Variants in PXT1 observed in about 807,000 individuals in gnomAD.
The protein encoded by PXT1 is peroxisomal testis enriched protein 1.
A neutral mutation model predicts 11.0 loss-of-function variants in PXT1; 11 were observed. That is an observed-to-expected ratio of 1.00 (90% CI 0.63 to 1.66). The LOEUF is 1.66. Ranked by LOEUF, PXT1 falls within the 40% of genes most tolerant of loss-of-function variation. The pLI, the probability that PXT1 is intolerant of heterozygous loss-of-function variation, is 0.00. For synonymous variants in PXT1, 43 were observed against 51.4 expected, an observed-to-expected ratio of 0.84 and a Z score of 0.70; for missense variants, 141 against 155.5, an observed-to-expected ratio of 0.91 and a Z score of 0.49.
intron 4 of PXT1, among the ~76,000 whole-genome samples, chr6:36,399,560 GA>G (rs1383286389): frequency 3.3e-5 from 5 of 152,182 alleles, no homozygotes; most frequent in Non-Finnish European, 5.9e-5. Context: ...GAGTATAAAA[GA>G]GTACACGGCA....
chr6:36,441,079 C>T (rs181597827), intron 1 of PXT1, among the ~76,000 whole-genome samples: 6 of 97,682 alleles, frequency 6.1e-5, no homozygotes, highest in African/African-American at 2.4e-4. Context: ...CCTGCCTGGG[C>T]AACAGAATAA....
chr6:36,413,160 G>A (rs1347704199), intron 3 of PXT1, among the ~76,000 whole-genome samples: 9 of 151,622 alleles, frequency 5.9e-5, no homozygotes, highest in Middle Eastern at 3.4e-3. Context: ...GGCTCACGCC[G>A]GTAATCCCAG....
chr6:36,407,801 G>A (rs2127412405), intron 3 of PXT1, among the ~76,000 whole-genome samples: 1 of 152,166 alleles, frequency 6.6e-6, no homozygotes, highest in South Asian at 2.1e-4. Flanking sequence ...CTATCCTGTT[G>A]CCTAAGCAAT....
chr6:36,424,073 A>G (rs1441216351), intron 3 of PXT1, among the ~76,000 whole-genome samples: 3 of 152,242 alleles, frequency 2.0e-5, no homozygotes, highest in Non-Finnish European at 4.4e-5. Flanking sequence ...CTCGGAAGAC[A>G]GCGATCAGCT....
At chr6:36,415,604 A>G (rs1409158012) in intron 3 of PXT1, among the ~76,000 whole-genome samples, 4 of 152,208 alleles carry the variant, frequency 2.6e-5, no homozygotes, top group Admixed American at 2.0e-4. Flanking sequence ...CTTGGCATCA[A>G]TATGTGTAGA....
intron 3 of PXT1, among the ~76,000 whole-genome samples, chr6:36,404,905 C>G (rs1774266936): frequency 6.6e-6 from 1 of 152,120 alleles, no homozygotes; most frequent in African/African-American, 2.4e-5. Context: ...TGCAGTGAGC[C>G]ACGATTGCGC....
At chr6:36,412,886 A>G (rs184959077) in intron 3 of PXT1, among the ~76,000 whole-genome samples, 123 of 152,182 alleles carry the variant, frequency 8.1e-4, no homozygotes, top group African/African-American at 2.9e-3. Context: ...TAAAAATACA[A>G]TTGATAGCCT....
intron 2 of PXT1, among the ~76,000 whole-genome samples, chr6:36,430,254 A>G (rs1774674492): frequency 6.6e-6 from 1 of 152,108 alleles, no homozygotes; most frequent in African/African-American, 2.4e-5. Context: ...TCCATTAATT[A>G]TTAATTCATC....
At chr6:36,398,117 A>G (rs1012320892) in intron 4 of PXT1, among the ~76,000 whole-genome samples, 16 of 152,252 alleles carry the variant, frequency 1.1e-4, no homozygotes, top group Non-Finnish European at 2.1e-4. Flanking sequence ...ACCAATAAGC[A>G]TATGAAAAGA....
intron 2 of PXT1, among the ~76,000 whole-genome samples, chr6:36,433,604 G>A (rs12201085): frequency 0.085 from 12,926 of 151,792 alleles, 673 homozygotes; most frequent in Admixed American, 0.12. Flanking sequence ...TGGATCACGA[G>A]GTCAGCAGAT....
At chr6:36,415,095 A>G (rs912085619) in intron 3 of PXT1, among the ~76,000 whole-genome samples, 1 of 152,186 alleles carries the variant, frequency 6.6e-6, no homozygotes, top group Non-Finnish European at 1.5e-5. Flanking sequence ...GCAGGCCTAC[A>G]AATCAATCTC....
intron 4 of PXT1, 119 bp downstream of exon 4, chr6:36,400,335 G>A (rs1774195584): frequency 8.2e-7 from 1 of 1,223,876 alleles, no homozygotes; most frequent in South Asian, 1.4e-5. Context: ...TGGTAATCCA[G>A]ACAGCATTAT....
intron 3 of PXT1, among the ~76,000 whole-genome samples, chr6:36,401,512 G>A (rs1774214182): frequency 6.6e-6 from 1 of 151,634 alleles, no homozygotes; most frequent in Non-Finnish European, 1.5e-5. Flanking sequence ...CTACTCGACT[G>A]AAGCTGACAT....
At chr6:36,434,738 TGTCA>T (rs1272440799) in intron 2 of PXT1, among the ~76,000 whole-genome samples, 1 of 152,206 alleles carries the variant, frequency 6.6e-6, no homozygotes, top group Non-Finnish European at 1.5e-5. Flanking sequence ...TGAGAAGGTT[TGTCA>T]GTCAGACAAT....
chr6:36,405,330 T>C (rs1367908987), intron 3 of PXT1, among the ~76,000 whole-genome samples: 1 of 152,016 alleles, frequency 6.6e-6, no homozygotes, highest in South Asian at 2.1e-4. Context: ...AGTTTCAAAA[T>C]AAAAAGTTAC....
intron 3 of PXT1, among the ~76,000 whole-genome samples, chr6:36,411,247 C>T (rs1429566936): frequency 6.6e-6 from 1 of 152,008 alleles, no homozygotes; most frequent in Non-Finnish European, 1.5e-5. Context: ...GTCAGGAGTT[C>T]GAGACCAGCC....
chr6:36,410,471 T>A (rs1348382667), intron 3 of PXT1, among the ~76,000 whole-genome samples: 585 of 68,160 alleles, frequency 8.6e-3, no homozygotes, highest in Admixed American at 0.012. Context: ...AGGAAGGAAA[T>A]GGGAGGAAGA....
chr6:36,438,549 G>A (rs914719922), intron 2 of PXT1, among the ~76,000 whole-genome samples: 5 of 151,742 alleles, frequency 3.3e-5, no homozygotes, highest in Non-Finnish European at 7.4e-5. Flanking sequence ...TCAGCCTCCC[G>A]AGTACCGGGA....
chr6:36,396,834 G>C (rs1367768613), intron 4 of PXT1, among the ~76,000 whole-genome samples: 3 of 152,176 alleles, frequency 2.0e-5, no homozygotes, highest in Non-Finnish European at 4.4e-5. Context: ...GATAGCTGGA[G>C]ATGAGGAAAC....
Sources: gnomAD v4.1 joint callset for allele counts (sites outside exome capture counted in the v4.1 genomes callset) on GRCh38, gnomAD v4.1.1 for gene constraint, MANE v1.5 for transcripts, NCBI Gene and HGNC (gene_info 2026-07-23, HGNC 2026-07-21) for gene names.